MYO5B: variants seen among roughly 807,000 people sequenced by gnomAD.
The protein encoded by MYO5B is unconventional myosin-Vb.
Under a neutral mutation model 229.3 loss-of-function variants are expected in MYO5B, and 143 were observed. The observed-to-expected ratio is 0.62, with a 90% CI of 0.54 to 0.72. The LOEUF is 0.72. MYO5B is among the 30% of genes least tolerant of loss of function. MYO5B has a pLI of 0.00. For synonymous variants in MYO5B, 918 were observed against 885.2 expected, an observed-to-expected ratio of 1.04 and a Z score of -0.66; for missense variants, 2,321 against 2,331.0, an observed-to-expected ratio of 1.00 and a Z score of 0.09.
rs1264355256 is a variant in MYO5B, at chr18:49,853,580, G to C, written c.4090C>G (p.Gln1364Glu). The change falls in exon 31 of 40, where the codon CAG (glutamine) becomes GAG (glutamate). Residue 1364 changes from glutamine (Q) to glutamate (E), a missense_variant. This residue lies in a region of MYO5B where 2,113 missense variants were observed against 2,044.7 expected (regional missense o/e 1.03). Coordinates refer to ENST00000285039, the MANE Select transcript of MYO5B (RefSeq NM_001080467.3). Reference sequence around the variant, plus strand: ...ATCTCCTCCTTCAGGGCCTCGAGCTGAGCCTTGAGATGCTCCACCTCCTCC... The same window carrying C: ...ATCTCCTCCTTCAGGGCCTCGAGCTCAGCCTTGAGATGCTCCACCTCCTCC... ...HEEEVEHLKAQLEALKEEMDK... is the reference protein window; with the variant it reads ...HEEEVEHLKAELEALKEEMDK... 1 of 1,614,160 alleles carries C rather than the reference G, an allele frequency of 6.2e-7. No homozygotes were observed. Among genetic ancestry groups the C allele is most frequent in the Non-Finnish European group, 8.5e-7 (1 of 1,180,040 alleles).
intron 9 of MYO5B, among the ~76,000 whole-genome samples, chr18:49,977,820 C>T (rs1384983530): frequency 2.0e-5 from 3 of 152,230 alleles, no homozygotes; most frequent in Non-Finnish European, 2.9e-5. Flanking sequence ...CTCTCAACCA[C>T]GAGCTCTGTG....
At chr18:49,859,587 C>T (rs761443907) in intron 29 of MYO5B, among the ~76,000 whole-genome samples, 30 of 152,182 alleles carry the variant, frequency 2.0e-4, no homozygotes, top group Admixed American at 4.6e-4. Context: ...ACTCCAAACA[C>T]CAGGAACAAC....
chr18:49,923,663 G>A (rs369342119), intron 17 of MYO5B, among the ~76,000 whole-genome samples: 114 of 152,326 alleles, frequency 7.5e-4, no homozygotes, highest in Middle Eastern at 3.4e-3. Flanking sequence ...GGTTAACCAC[G>A]TCAGATCCAT....
chr18:50,181,023 T>C (rs1233866923), intron 1 of MYO5B, among the ~76,000 whole-genome samples: 1 of 152,238 alleles, frequency 6.6e-6, no homozygotes, highest in African/African-American at 2.4e-5. Flanking sequence ...TCATCCTGCC[T>C]GACACAGCAG....
chr18:50,069,361 A>T (rs945599999), intron 1 of MYO5B, among the ~76,000 whole-genome samples: 1 of 152,178 alleles, frequency 6.6e-6, no homozygotes, highest in African/African-American at 2.4e-5. Flanking sequence ...ATGTCAGGAC[A>T]GAGTTCCACC....
chr18:49,968,842 G>A (rs1362455636), intron 10 of MYO5B, among the ~76,000 whole-genome samples: 1 of 152,150 alleles, frequency 6.6e-6, no homozygotes, highest in East Asian at 1.9e-4. Flanking sequence ...ATAGAGGCCT[G>A]CGTTAGTGAG....
At chr18:49,876,696 C>T (rs1056559074) in intron 25 of MYO5B, among the ~76,000 whole-genome samples, 3 of 152,146 alleles carry the variant, frequency 2.0e-5, no homozygotes, top group African/African-American at 7.2e-5. Context: ...ACTGAAACCT[C>T]CAAGGGCCTA....
chr18:49,884,906 G>A (rs922933927), intron 22 of MYO5B, among the ~76,000 whole-genome samples: 6 of 152,090 alleles, frequency 3.9e-5, no homozygotes, highest in Non-Finnish European at 8.8e-5. Flanking sequence ...ATCTTATTAG[G>A]GAAATACAAA....
intron 29 of MYO5B, among the ~76,000 whole-genome samples, chr18:49,858,760 G>A (rs1182160782): frequency 1.3e-5 from 2 of 152,194 alleles, no homozygotes; most frequent in East Asian, 3.9e-4. Flanking sequence ...GAACTGTGCA[G>A]CCCAGGCAGC....
Position 49,909,179 on chromosome 18 carries a change from C to T in MYO5B, c.2203-2549G>A, listed in dbSNP as rs181025322. ...TCTGTCAAGTCTTAGTTTCTCGATA[C>T]AAAGTCCCAGGTCACTCAGCATGAG... On this transcript the variant is annotated intron_variant, in intron 18 of 39. Coordinates refer to ENST00000285039, the MANE Select transcript of MYO5B (RefSeq NM_001080467.3). Among the ~76,000 whole-genome samples the T allele has an allele frequency of 1.1e-3, 162 of 152,342 alleles. 3 individuals carry two copies. The highest frequency in any genetic ancestry group is 8.6e-3 in the Admixed American group (132 of 15,308).
chr18:50,035,189 A>C (rs374965514), intron 4 of MYO5B, among the ~76,000 whole-genome samples: 1 of 152,106 alleles, frequency 6.6e-6, no homozygotes, highest in East Asian at 1.9e-4. Context: ...ACAGGGTGGA[A>C]AGCTAGAAGA....
chr18:50,166,671 C>T (rs1031761071), intron 1 of MYO5B, among the ~76,000 whole-genome samples: 4 of 152,124 alleles, frequency 2.6e-5, no homozygotes, highest in East Asian at 1.9e-4. Flanking sequence ...CCCCACCCCC[C>T]GCCTACCAAA....
chr18:50,167,326 C>T (rs886716869), intron 1 of MYO5B, among the ~76,000 whole-genome samples: 2 of 152,180 alleles, frequency 1.3e-5, no homozygotes, highest in Non-Finnish European at 2.9e-5. Context: ...TGTATGTCTC[C>T]AAGTACTTTA....
intron 18 of MYO5B, among the ~76,000 whole-genome samples, chr18:49,910,599 G>A (rs966260750): frequency 2.0e-5 from 3 of 151,936 alleles, no homozygotes; most frequent in Admixed American, 6.6e-5. Flanking sequence ...ATGGCAAGGT[G>A]GGCTAGTATT....
At chr18:50,176,923 T>A (rs1177681143) in intron 1 of MYO5B, among the ~76,000 whole-genome samples, 1 of 152,210 alleles carries the variant, frequency 6.6e-6, no homozygotes, top group Non-Finnish European at 1.5e-5. Flanking sequence ...GTATTTATGG[T>A]TACATCTGAA....
chr18:50,018,860 C>T (rs777413244), intron 4 of MYO5B, among the ~76,000 whole-genome samples: 2 of 152,040 alleles, frequency 1.3e-5, no homozygotes, highest in Non-Finnish European at 2.9e-5. Flanking sequence ...TTAAGAATCA[C>T]AAGAAAGAAG....
At chr18:50,122,064 A>AC (rs2032066881) in intron 1 of MYO5B, among the ~76,000 whole-genome samples, 1 of 152,216 alleles carries the variant, frequency 6.6e-6, no homozygotes, top group Non-Finnish European at 1.5e-5. Flanking sequence ...CAGCCATGCA[A>AC]CCTCAAGTGC....
chr18:49,935,672 C>G (rs1568037282), intron 16 of MYO5B, among the ~76,000 whole-genome samples: 1 of 152,172 alleles, frequency 6.6e-6, no homozygotes, highest in East Asian at 1.9e-4. Context: ...ATTAAGAGTT[C>G]TACAGATTAG....
intron 26 of MYO5B, among the ~76,000 whole-genome samples, chr18:49,872,536 G>A (rs2024468119): frequency 6.6e-6 from 1 of 152,054 alleles, no homozygotes; most frequent in African/African-American, 2.4e-5. Flanking sequence ...CCCCCCAAAT[G>A]ATATTCTGAA....
Sources: gnomAD v4.1 joint callset for allele counts (sites outside exome capture counted in the v4.1 genomes callset) on GRCh38, gnomAD v4.1.1 for gene constraint, gnomAD v4.1.1 regional missense constraint, MANE v1.5 for transcripts, NCBI Gene and HGNC (gene_info 2026-07-23, HGNC 2026-07-21) for gene names.